The following EYS variants were observed in gnomAD, a reference collection of about 807,000 sequenced individuals.
EYS encodes the protein protein eyes shut homolog.
Under a neutral mutation model 282.1 loss-of-function variants are expected in EYS, and 250 were observed. The ratio of observed to expected loss-of-function variants is 0.89; its 90% CI spans 0.80 to 0.98. The LOEUF (loss-of-function observed/expected upper bound fraction) is 0.98. Among genes scored for constraint, EYS ranks in the 50% least tolerant of loss-of-function variants. The probability of loss-of-function intolerance (pLI) is 0.00; values close to 1 mark genes in which losing one functional copy is unlikely to be tolerated. For missense variants in EYS, 4,016 were observed against 3,709.0 expected (o/e 1.08, Z -2.15); for synonymous variants, 1,355 against 1,282.9 (o/e 1.06, Z -1.20).
intron 35 of EYS, among the ~76,000 whole-genome samples, chr6:63,904,705 G>A (rs996978973): frequency 2.0e-5 from 3 of 152,138 alleles, no homozygotes; most frequent in Non-Finnish European, 4.4e-5. Context: ...CGAGCCTCAG[G>A]GCCCTTCACT....
intron 30 of EYS, among the ~76,000 whole-genome samples, chr6:64,272,562 G>A (rs144555533): frequency 6.6e-6 from 1 of 152,224 alleles, no homozygotes; most frequent in African/African-American, 2.4e-5. Context: ...GTAATTCTGG[G>A]TTGAAAATTC....
chr6:64,449,755 TA>T (rs1775252988), intron 26 of EYS, among the ~76,000 whole-genome samples: 1 of 152,124 alleles, frequency 6.6e-6, no homozygotes, highest in African/African-American at 2.4e-5. Flanking sequence ...CCAGCCAAAC[TA>T]AGCTTCATAA....
intron 8 of EYS, among the ~76,000 whole-genome samples, chr6:65,358,297 C>T (rs6938266): frequency 0.67 from 102,310 of 151,698 alleles, 34,588 homozygotes; most frequent in South Asian, 0.71. Context: ...AATTTATACA[C>T]TTCAAACTTT....
intron 12 of EYS, among the ~76,000 whole-genome samples, chr6:65,219,990 G>A (rs995863419): frequency 2.0e-5 from 3 of 152,086 alleles, no homozygotes; most frequent in Non-Finnish European, 2.9e-5. Flanking sequence ...AATTCAAGAT[G>A]AGATTTGAGG....
intron 26 of EYS, among the ~76,000 whole-genome samples, chr6:64,521,496 A>G (rs1337520): frequency 0.35 from 53,519 of 151,432 alleles, 9,519 homozygotes; most frequent in East Asian, 0.47. Context: ...TTAGAGTACT[A>G]AAGTGGATGA....
intron 32 of EYS, among the ~76,000 whole-genome samples, chr6:64,069,939 G>T (rs886658697): frequency 2.6e-5 from 4 of 152,002 alleles, no homozygotes; most frequent in Non-Finnish European, 5.9e-5. Flanking sequence ...AACAGCAAGA[G>T]AATTATTCTA....
chr6:65,308,199 A>G (rs1769064894), intron 11 of EYS, among the ~76,000 whole-genome samples: 1 of 55,734 alleles, frequency 1.8e-5, no homozygotes, highest in Non-Finnish European at 3.5e-5. Context: ...CTGGTCTTGA[A>G]CTCCTGACCT....
At chr6:65,374,293 G>A (rs927720058) in intron 8 of EYS, among the ~76,000 whole-genome samples, 5 of 152,062 alleles carry the variant, frequency 3.3e-5, no homozygotes, top group Non-Finnish European at 5.9e-5. Context: ...TTTACATAAG[G>A]GGTCAGGGAC....
intron 35 of EYS, among the ~76,000 whole-genome samples, chr6:63,966,506 T>A (rs1453144928): frequency 1.3e-5 from 2 of 151,602 alleles, no homozygotes; most frequent in African/African-American, 4.9e-5. Context: ...TAATAACTTA[T>A]GGAAAAAAAA....
At chr6:65,301,185 TA>T (rs1768811372) in intron 11 of EYS, among the ~76,000 whole-genome samples, 1 of 152,196 alleles carries the variant, frequency 6.6e-6, no homozygotes, top group African/African-American at 2.4e-5. Flanking sequence ...TTAGACACTG[TA>T]AATATTTTAT....
chr6:65,356,159 A>G (rs1010398059), intron 8 of EYS, among the ~76,000 whole-genome samples: 1 of 152,206 alleles, frequency 6.6e-6, no homozygotes, highest in African/African-American at 2.4e-5. Context: ...ATGGAATACT[A>G]TTTAGCAATA....
chr6:64,073,396 C>T (rs1256696183), intron 32 of EYS, among the ~76,000 whole-genome samples: 2 of 151,534 alleles, frequency 1.3e-5, no homozygotes, highest in Non-Finnish European at 3.0e-5. Context: ...CTTTTTTCAC[C>T]CTCAAATCAA....
rs114932290 is a variant in EYS at position 65,536,894 on chromosome 6, T to C, written c.-332-40901A>G. Among the ~76,000 whole-genome samples the C allele has an allele frequency of 3.3e-3, 497 of 152,258 alleles. 3 individuals are homozygous for C. The highest frequency in any genetic ancestry group is 0.011 in the African/African-American group (470 of 41,570). ...AAAATAAAAATCACAATTGGACTTT[T>C]TTCATAGAAACTGAGAATATTATTC... is the stretch of plus-strand genomic sequence containing the variant. On this transcript the variant is annotated intron_variant, in intron 2 of 42. Transcript: ENST00000503581.
rs1318060917 is a variant in EYS, at chr6:63,777,986, C to T, written c.7898+20G>A. 2.6e-6 allele frequency: 4 copies of T among 1,550,512 alleles called. No individual in the cohort carries two copies. The highest frequency in any genetic ancestry group is 1.7e-4 in the Middle Eastern group (1 of 6,010). ...GTGCAAACAACCTGCTACTTTCATTCCTAATAACGTCATACTTACTAAACA... is the reference window on the plus strand; with the variant it reads ...GTGCAAACAACCTGCTACTTTCATTTCTAATAACGTCATACTTACTAAACA... On this transcript the variant is annotated intron_variant, in intron 40 of 42. Transcript: ENST00000503581.
At chr6:64,797,286 T>C (rs924863600) in intron 22 of EYS, among the ~76,000 whole-genome samples, 1 of 151,876 alleles carries the variant, frequency 6.6e-6, no homozygotes, top group African/African-American at 2.4e-5. Context: ...ATTAAACATT[T>C]AAGGCACAGC....
intron 12 of EYS, among the ~76,000 whole-genome samples, chr6:65,064,173 T>C (rs1013865087): frequency 3.5e-5 from 5 of 143,650 alleles, no homozygotes; most frequent in Admixed American, 1.4e-4. Context: ...ATAATATATA[T>C]AATATATAGT....
In EYS at chr6:64,014,779, A is replaced by AT. The variant is rs57255670; in HGVS notation, c.6726-15597dup. On this transcript the variant is annotated intron_variant, in intron 33 of 42. Coordinates refer to ENST00000503581, the MANE Select transcript of EYS (RefSeq NM_001142800.2). ...GGCTTGGCTTATTTAGTCTTTTTTT[A>AT]TTTTTTTTTTTTTTGGTTTCTGAGG... is the stretch of plus-strand genomic sequence containing the variant. 8.2e-3 allele frequency among the ~76,000 whole-genome samples: 1,179 copies of AT among 144,324 alleles called. 6 individuals carry two copies. The highest frequency in any genetic ancestry group is 0.014 in the Middle Eastern group (4 of 276). The allele number at this position is 144,324 out of a possible 152,430, so 94.7% of individuals were successfully genotyped here.
chr6:63,974,443 C>T (rs1438511805), intron 35 of EYS, among the ~76,000 whole-genome samples: 1 of 151,988 alleles, frequency 6.6e-6, no homozygotes, highest in African/African-American at 2.4e-5. Flanking sequence ...TATTAGCATT[C>T]TGTTAAGAAA....
chr6:63,735,148 T>A (rs1218921644), intron 41 of EYS, among the ~76,000 whole-genome samples: 1 of 152,142 alleles, frequency 6.6e-6, no homozygotes, highest in Non-Finnish European at 1.5e-5. Flanking sequence ...TTGCTCAGTT[T>A]AATTTGTACC....
Sources: allele counts gnomAD v4.1 joint callset (sites outside exome capture counted in the v4.1 genomes callset), GRCh38; gene constraint gnomAD v4.1.1; transcripts MANE v1.5; gene names NCBI Gene and HGNC (gene_info 2026-07-23, HGNC 2026-07-21).